ITSN1: variants seen among roughly 807,000 people sequenced by gnomAD.
The protein encoded by ITSN1 is intersectin-1.
In ITSN1, 58 loss-of-function variants were observed where a neutral mutation model predicts 239.8. The observed-to-expected ratio is 0.24, with a 90% CI of 0.20 to 0.30. The LOEUF (loss-of-function observed/expected upper bound fraction) is 0.30, where lower values mean the gene tolerates loss of function less well. ITSN1 is among the 10% of genes least tolerant of loss of function. ITSN1 has a pLI of 1.00. For missense variants in ITSN1, 1,558 were observed against 2,103.3 expected (o/e 0.74, Z 5.07); for synonymous variants, 780 against 770.8 (o/e 1.01, Z -0.20).
At chr21:33,876,285 T>A (rs1366355455) in intron 34 of ITSN1, among the ~76,000 whole-genome samples, 1 of 130,266 alleles carries the variant, frequency 7.7e-6, no homozygotes. Flanking sequence ...TCTCTTTCTT[T>A]CCTTCTCTCT....
chr21:33,671,655 T>C (rs1342323674), intron 1 of ITSN1, among the ~76,000 whole-genome samples: 1 of 150,802 alleles, frequency 6.6e-6, no homozygotes, highest in Non-Finnish European at 1.5e-5. Context: ...ATACAAAAAT[T>C]AGCAGGCATG....
chr21:33,789,936 A>G (rs1425888461), intron 16 of ITSN1, among the ~76,000 whole-genome samples: 2 of 152,238 alleles, frequency 1.3e-5, no homozygotes, highest in Non-Finnish European at 2.9e-5. Flanking sequence ...TGGTTCAAAT[A>G]TCTTAGTTCT....
At chr21:33,867,641 A>T (rs1231132315) in intron 33 of ITSN1, among the ~76,000 whole-genome samples, 2 of 56,320 alleles carry the variant, frequency 3.6e-5, no homozygotes, top group East Asian at 8.1e-4. Flanking sequence ...TCTCTATTAA[A>T]AAAAAAAAAA....
intron 8 of ITSN1, among the ~76,000 whole-genome samples, chr21:33,758,306 G>A (rs2068061769): frequency 6.6e-6 from 1 of 152,028 alleles, no homozygotes; most frequent in Non-Finnish European, 1.5e-5. Context: ...GTAGAAACTG[G>A]GTTTTGCCAT....
intron 17 of ITSN1, among the ~76,000 whole-genome samples, chr21:33,794,722 T>C (rs1293916476): frequency 1.3e-5 from 2 of 152,178 alleles, no homozygotes; most frequent in Non-Finnish European, 2.9e-5. Flanking sequence ...TACAAGGAAA[T>C]TGGGACACTT....
chr21:33,750,894 A>G (rs894810146), intron 6 of ITSN1, among the ~76,000 whole-genome samples: 8 of 152,236 alleles, frequency 5.3e-5, no homozygotes, highest in Non-Finnish European at 2.9e-5. Flanking sequence ...CTGTAGATGT[A>G]GATAGCCTTG....
At chr21:33,693,783 T>C (rs528215617) in intron 1 of ITSN1, among the ~76,000 whole-genome samples, 5 of 152,368 alleles carry the variant, frequency 3.3e-5, no homozygotes, top group Non-Finnish European at 5.9e-5. Context: ...TGGTAGCTTT[T>C]TTCTCTGGGC....
At chr21:33,848,296 T>C (rs1418774795) in intron 29 of ITSN1, among the ~76,000 whole-genome samples, 1 of 152,228 alleles carries the variant, frequency 6.6e-6, no homozygotes, top group African/African-American at 2.4e-5. Flanking sequence ...GGGGGAAATG[T>C]GGACACACAG....
chr21:33,849,753 C>A (rs1465712964), intron 29 of ITSN1, among the ~76,000 whole-genome samples: 1 of 152,118 alleles, frequency 6.6e-6, no homozygotes, highest in Non-Finnish European at 1.5e-5. Flanking sequence ...ATCCCTGTAC[C>A]AAAATAGCTC....
chr21:33,772,703 G>A (rs773782939), intron 12 of ITSN1, among the ~76,000 whole-genome samples: 8 of 151,986 alleles, frequency 5.3e-5, no homozygotes, highest in East Asian at 1.9e-4. Flanking sequence ...CTTTATTCCT[G>A]TTTATGGCTG....
chr21:33,886,229 G>T, intron 38 of ITSN1, 58 bp from the exon 39 acceptor site: 153 of 1,045,434 alleles, frequency 1.5e-4, no homozygotes, highest in Non-Finnish European at 1.9e-4. Context: ...AAAAAAAAAA[G>T]AGTGGAGATC....
intron 1 of ITSN1, among the ~76,000 whole-genome samples, chr21:33,653,070 C>G (rs986604410): frequency 6.6e-6 from 1 of 150,418 alleles, no homozygotes. Flanking sequence ...TCTTGGCTCA[C>G]TGCAACCTCT....
intron 8 of ITSN1, among the ~76,000 whole-genome samples, chr21:33,760,834 G>A (rs899593627): frequency 6.6e-6 from 1 of 152,080 alleles, no homozygotes; most frequent in Non-Finnish European, 1.5e-5. Flanking sequence ...AGTCTTCCTG[G>A]GACCACATCT....
chr21:33,775,217 A>G, intron 14 of ITSN1, 109 bp downstream of exon 14: 1 of 1,187,886 alleles, frequency 8.4e-7, no homozygotes, highest in Non-Finnish European at 1.2e-6. Flanking sequence ...GTCTTGTACT[A>G]GGCACTGGGA....
chr21:33,647,601 ATC>A (rs893433442), intron 1 of ITSN1, among the ~76,000 whole-genome samples: 4 of 152,000 alleles, frequency 2.6e-5, no homozygotes, highest in African/African-American at 9.7e-5. Context: ...GTTCAAATGA[ATC>A]TCTTGCCTTA....
intron 26 of ITSN1, chr21:33,829,198 C>T (rs766602676): frequency 5.5e-6 from 2 of 364,032 alleles, no homozygotes; most frequent in South Asian, 2.2e-5. Flanking sequence ...GCTATTGAGT[C>T]CTTTAGTCAC....
intron 34 of ITSN1, among the ~76,000 whole-genome samples, chr21:33,878,768 C>T (rs1427576751): frequency 6.6e-6 from 1 of 152,202 alleles, no homozygotes; most frequent in Admixed American, 6.5e-5. Flanking sequence ...TTTATTCGCT[C>T]ATCATCATTC....
intron 1 of ITSN1, among the ~76,000 whole-genome samples, chr21:33,696,353 A>G (rs2091792402): frequency 6.6e-6 from 1 of 152,182 alleles, no homozygotes; most frequent in Non-Finnish European, 1.5e-5. Flanking sequence ...CAGTCTCTCC[A>G]TTGAGTTTTC....
rs755165053 is a variant in ITSN1, at chr21:33,749,362, G to A, written c.347-781G>A. 5.3e-5 allele frequency among the ~76,000 whole-genome samples: 8 copies of A among 152,134 alleles called. No individual in the cohort carries two copies. The East Asian group carries it at 5.8e-4, about 11-fold the overall frequency. ...ATTTTTGTATAAAGATGCTTCCAGGGCCAGGCACAGTGGCTCATGCCTGTA... is the reference window on the plus strand; with the variant it reads ...ATTTTTGTATAAAGATGCTTCCAGGACCAGGCACAGTGGCTCATGCCTGTA... On this transcript the variant is annotated intron_variant, in intron 5 of 39. Transcript: ENST00000381318.
Sources: gnomAD v4.1 joint callset for allele counts (sites outside exome capture counted in the v4.1 genomes callset) on GRCh38, gnomAD v4.1.1 for gene constraint, MANE v1.5 for transcripts, NCBI Gene and HGNC (gene_info 2026-07-23, HGNC 2026-07-21) for gene names.